The following STK31 variants were observed in gnomAD, a reference collection of about 807,000 sequenced individuals.
The protein encoded by STK31 is serine/threonine-protein kinase 31.
STK31 carries 89 observed loss-of-function variants against 129.7 expected under a neutral mutation model. That is an observed-to-expected ratio of 0.69 (90% CI 0.58 to 0.82). The LOEUF is 0.82. Ranked by LOEUF, STK31 falls within the 40% of genes least tolerant of loss-of-function variation. The pLI is 0.00. For synonymous variants in STK31, 448 were observed against 395.3 expected, an observed-to-expected ratio of 1.13 and a Z score of -1.58; for missense variants, 1,187 against 1,176.4, an observed-to-expected ratio of 1.01 and a Z score of -0.13.
At chr7:23,762,541 GA>G (rs1460739201) in intron 10 of STK31, among the ~76,000 whole-genome samples, 1 of 151,892 alleles carries the variant, frequency 6.6e-6, no homozygotes, top group East Asian at 1.9e-4. Flanking sequence ...TTTTCTGTAA[GA>G]AAAACAAAAA....
At chr7:23,744,135 C>T (rs1230560262) in intron 8 of STK31, among the ~76,000 whole-genome samples, 1 of 151,594 alleles carries the variant, frequency 6.6e-6, no homozygotes, top group East Asian at 1.9e-4. Flanking sequence ...TGACCAGGCT[C>T]TTCTCAACCC....
In STK31 at chr7:23,729,028, G is replaced by A. The variant is rs1167002050; in HGVS notation, c.325-63G>A. The A allele has an allele frequency of 2.0e-5, 29 of 1,431,948 alleles. No individual in the cohort carries two copies. In the Admixed American group the frequency reaches 7.4e-4, roughly 36 times the overall value. 88.7% of individuals were successfully genotyped at this position (1,431,948 alleles called of 1,614,324 possible). On this transcript the variant is annotated intron_variant, in intron 5 of 23. Transcript: ENST00000355870. ...GTCATTAACAGAGAGCAGCAAATTG[G>A]TGGTTTCTTTGGAAACATTTAATCT...
In STK31 at chr7:23,754,452, A is replaced by C. The variant is rs771692852; in HGVS notation, c.1271A>C (p.Asn424Thr). Residue 424 changes from asparagine (N) to threonine (T), a missense_variant, in exon 10 of 24, where the codon AAT (asparagine) becomes ACT (threonine). Around this residue, in one of 5 missense-constraint regions of STK31, gnomAD observed 975 missense variants for 934.9 expected, o/e 1.04. Coordinates refer to ENST00000355870, the MANE Select transcript of STK31 (RefSeq NM_031414.5). ...IWAEYSLAQE[N>T]IKTCEYVSEG... is the part of the protein sequence containing the mutation. ...GCAGAATACAGTCTGGCTCAGGAGA[A>C]TATTAAAACTTGTGAATATGTGGTG... 2 of 1,611,356 alleles carry C rather than the reference A, an allele frequency of 1.2e-6. No homozygotes were observed. Among genetic ancestry groups the C allele is most frequent in the South Asian group, 2.2e-5 (2 of 89,956 alleles).
chr7:23,718,337 T>C (rs1459605639), intron 4 of STK31, among the ~76,000 whole-genome samples: 9 of 152,174 alleles, frequency 5.9e-5, no homozygotes, highest in Non-Finnish European at 1.0e-4. Flanking sequence ...TTTTTTCTTT[T>C]TTACTGAGTT....
intron 23 of STK31, among the ~76,000 whole-genome samples, chr7:23,831,146 T>G (rs1235968146): frequency 2.0e-5 from 3 of 152,236 alleles, no homozygotes; most frequent in African/African-American, 7.2e-5. Flanking sequence ...TTAGGTTAAT[T>G]TGGTTTTTAA....
Position 23,769,125 on chromosome 7 carries a change from C to T in STK31, c.1547C>T (p.Thr516Ile), listed in dbSNP as rs1332648894. 1.2e-6 allele frequency: 2 copies of T among 1,612,150 alleles called. No homozygotes were observed. Among genetic ancestry groups the T allele is most frequent in the Admixed American group, 1.7e-5 (1 of 59,860 alleles). ...REEFTSVRSETDASLHRLVAW... is the reference protein window; with the variant it reads ...REEFTSVRSEIDASLHRLVAW... ...GAGTTCACCAGTGTTAGAAGTGAAA[C>T]AGACGCTTCTCTGCACCGTCTTGTA... Residue 516 changes from threonine to isoleucine, a missense_variant, in exon 12 of 24, where the codon ACA (threonine) becomes ATA (isoleucine). Physicochemically the swap from Thr to Ile is moderately conservative, Grantham distance 89. Around this residue, in one of 5 missense-constraint regions of STK31, gnomAD observed 975 missense variants for 934.9 expected, o/e 1.04. Coordinates refer to ENST00000355870, the MANE Select transcript of STK31 (RefSeq NM_031414.5).
chr7:23,812,224 G>A (rs1236054645), intron 22 of STK31, among the ~76,000 whole-genome samples: 4 of 151,962 alleles, frequency 2.6e-5, no homozygotes, highest in Admixed American at 6.6e-5. Flanking sequence ...AGAATTTGTG[G>A]TGGTTGAGAG....
chr7:23,788,705 A>G (rs1791445253), intron 21 of STK31, among the ~76,000 whole-genome samples: 1 of 152,136 alleles, frequency 6.6e-6, no homozygotes, highest in Non-Finnish European at 1.5e-5. Context: ...CTCTATTTTA[A>G]TTGAGAAATA....
chr7:23,783,468 T>C, intron 16 of STK31, 115 bp from the exon 17 acceptor site: 1 of 635,630 alleles, frequency 1.6e-6, no homozygotes. Flanking sequence ...TCAGTGATTA[T>C]GTATCTTACT....
At chr7:23,783,518 G>A in intron 16 of STK31, 65 bp from the exon 17 acceptor site, 1 of 1,185,504 alleles carries the variant, frequency 8.4e-7, no homozygotes. Flanking sequence ...TTTTCCTGAA[G>A]AGCAACATGT....
intron 3 of STK31, 77 bp from the exon 4 acceptor site, chr7:23,717,400 TTATC>T: frequency 7.8e-6 from 7 of 897,966 alleles, no homozygotes; most frequent in Non-Finnish European, 1.1e-5. Flanking sequence ...TCTTTTAAGT[TTATC>T]ATGCTTAGAA....
At chr7:23,768,922 T>G in intron 11 of STK31, 73 bp from the exon 12 acceptor site, 1 of 1,263,962 alleles carries the variant, frequency 7.9e-7, no homozygotes, top group East Asian at 2.5e-5. Context: ...TTCTACCCCT[T>G]AGATCCTAAC....
intron 23 of STK31, among the ~76,000 whole-genome samples, chr7:23,825,674 CT>C (rs1648513729): frequency 6.6e-6 from 1 of 152,148 alleles, no homozygotes; most frequent in Admixed American, 6.5e-5. Context: ...TCCTCTAGTT[CT>C]TTTAATTGTG....
At chr7:23,804,957 A>T (rs1466299140) in intron 22 of STK31, among the ~76,000 whole-genome samples, 1 of 151,980 alleles carries the variant, frequency 6.6e-6, no homozygotes, top group African/African-American at 2.4e-5. Context: ...CAATTCCCAG[A>T]CTATGCCTTA....
chr7:23,773,938 C>G (rs192204986), intron 15 of STK31, among the ~76,000 whole-genome samples: 11 of 151,392 alleles, frequency 7.3e-5, no homozygotes, highest in Admixed American at 1.3e-4. Context: ...TGCCACCCCC[C>G]ACCCCACAAC....
Position 23,787,594 on chromosome 7 carries a change from T to C in STK31, c.2488-386T>C, listed in dbSNP as rs191120666. 2.9e-3 allele frequency among the ~76,000 whole-genome samples: 436 copies of C among 152,226 alleles called. 5 individuals carry two copies. Among genetic ancestry groups the C allele is most frequent in the African/African-American group, 9.8e-3 (406 of 41,528 alleles). Reference sequence around the variant, plus strand: ...CATAAACTCTATTGTGAACTGTGCATGTGAGGGATCTAGGTTGCGCACTCC... The same window carrying C: ...CATAAACTCTATTGTGAACTGTGCACGTGAGGGATCTAGGTTGCGCACTCC... On this transcript the variant is annotated intron_variant, in intron 20 of 23. Coordinates refer to ENST00000355870, the MANE Select transcript of STK31 (RefSeq NM_031414.5).
chr7:23,796,577 A>T (rs1791971457), intron 22 of STK31, among the ~76,000 whole-genome samples: 1 of 152,156 alleles, frequency 6.6e-6, no homozygotes, highest in Non-Finnish European at 1.5e-5. Flanking sequence ...TATGAATTTT[A>T]ACACACCTAT....
chr7:23,784,782 T>C (rs1250965870), intron 17 of STK31, among the ~76,000 whole-genome samples: 1 of 152,164 alleles, frequency 6.6e-6, no homozygotes, highest in Non-Finnish European at 1.5e-5. Flanking sequence ...GATCATATTT[T>C]AGTGTGAAAA....
At chr7:23,806,950 A>C (rs1343005720) in intron 22 of STK31, among the ~76,000 whole-genome samples, 1 of 151,540 alleles carries the variant, frequency 6.6e-6, no homozygotes, top group African/African-American at 2.4e-5. Flanking sequence ...CGGACTCACT[A>C]ATCTCTTTAG....
Sources: gnomAD v4.1 joint callset for allele counts (sites outside exome capture counted in the v4.1 genomes callset) on GRCh38, gnomAD v4.1.1 for gene constraint, gnomAD v4.1.1 regional missense constraint, MANE v1.5 for transcripts, NCBI Gene and HGNC (gene_info 2026-07-23, HGNC 2026-07-21) for gene names.